The following DCC variants were observed in gnomAD, a reference collection of about 807,000 sequenced individuals.
DCC encodes netrin receptor DCC.
A neutral mutation model predicts 172.5 loss-of-function variants in DCC; 58 were observed. The observed-to-expected ratio is 0.34, with a 90% CI of 0.27 to 0.42. The LOEUF (loss-of-function observed/expected upper bound fraction) is 0.42. DCC is among the 10% of genes least tolerant of loss of function. The pLI, the probability that DCC is intolerant of heterozygous loss-of-function variation, is 1.00. For synonymous variants in DCC, 709 were observed against 644.5 expected (o/e 1.10, Z -1.52); for missense variants, 1,740 against 1,791.0 (o/e 0.97, Z 0.51).
intron 7 of DCC, among the ~76,000 whole-genome samples, chr18:53,094,201 G>A (rs1037849209): frequency 2.0e-5 from 3 of 152,154 alleles, no homozygotes; most frequent in Non-Finnish European, 4.4e-5. Flanking sequence ...GTTATATGAT[G>A]AAAACAGATT....
intron 27 of DCC, among the ~76,000 whole-genome samples, chr18:53,512,728 G>A (rs1356299218): frequency 6.7e-6 from 1 of 150,174 alleles, no homozygotes; most frequent in African/African-American, 2.5e-5. Flanking sequence ...AAGATGAAAT[G>A]AATGAAATGA....
At chr18:52,405,747 C>T (rs374532113) in intron 1 of DCC, among the ~76,000 whole-genome samples, 2 of 150,562 alleles carry the variant, frequency 1.3e-5, no homozygotes, top group Admixed American at 6.6e-5. Flanking sequence ...CCATACTGCC[C>T]AAGGTAATTT....
At chr18:52,636,086 G>A (rs1366744982) in intron 1 of DCC, among the ~76,000 whole-genome samples, 1 of 152,176 alleles carries the variant, frequency 6.6e-6, no homozygotes, top group Non-Finnish European at 1.5e-5. Context: ...AACTGGAGAA[G>A]CTGAAGTTCT....
intron 10 of DCC, among the ~76,000 whole-genome samples, chr18:53,206,300 G>A (rs1475673012): frequency 5.5e-5 from 7 of 128,134 alleles, no homozygotes; most frequent in East Asian, 2.2e-4. Flanking sequence ...TATATGTATT[G>A]TAACACATAT....
chr18:52,756,662 C>T (rs1380037594), intron 2 of DCC, among the ~76,000 whole-genome samples: 4 of 152,162 alleles, frequency 2.6e-5, no homozygotes, highest in Non-Finnish European at 4.4e-5. Context: ...TTCCCTAACC[C>T]TTACCGTGAA....
At chr18:52,872,447 C>T (rs564483966) in intron 2 of DCC, among the ~76,000 whole-genome samples, 17 of 152,188 alleles carry the variant, frequency 1.1e-4, no homozygotes, top group Non-Finnish European at 1.6e-4. Context: ...ATCTTCTCTA[C>T]GAATGCCGAT....
At chr18:53,433,992 G>A (rs1008948919) in intron 21 of DCC, among the ~76,000 whole-genome samples, 4 of 152,168 alleles carry the variant, frequency 2.6e-5, no homozygotes, top group Non-Finnish European at 5.9e-5. Flanking sequence ...TATAGAGTCA[G>A]TTAACAGGAT....
intron 12 of DCC, among the ~76,000 whole-genome samples, chr18:53,238,987 T>A (rs1481466671): frequency 7.4e-6 from 1 of 134,982 alleles, no homozygotes; most frequent in Non-Finnish European, 1.5e-5. Context: ...AGGTGGGAAT[T>A]GAGCAATGAG....
intron 1 of DCC, among the ~76,000 whole-genome samples, chr18:52,437,881 A>G (rs1192563115): frequency 6.6e-6 from 1 of 152,186 alleles, no homozygotes; most frequent in Non-Finnish European, 1.5e-5. Context: ...TGGTGCCTCC[A>G]GAAATCACTC....
At chr18:52,848,988 C>A (rs1183843019) in intron 2 of DCC, among the ~76,000 whole-genome samples, 1 of 152,204 alleles carries the variant, frequency 6.6e-6, no homozygotes, top group Non-Finnish European at 1.5e-5. Context: ...CCCATCTAAA[C>A]TCTCAGAAAA....
intron 1 of DCC, among the ~76,000 whole-genome samples, chr18:52,523,650 A>G (rs2031890051): frequency 2.0e-5 from 3 of 152,184 alleles, no homozygotes; most frequent in Non-Finnish European, 4.4e-5. Context: ...GGGCAACTTA[A>G]TCTAAAAAGG....
intron 9 of DCC, among the ~76,000 whole-genome samples, chr18:53,197,077 C>T (rs1198510312): frequency 1.3e-5 from 2 of 151,964 alleles, no homozygotes; most frequent in Admixed American, 1.3e-4. Context: ...ATCAAAGAGG[C>T]AATCAAAGCA....
intron 1 of DCC, among the ~76,000 whole-genome samples, chr18:52,485,573 A>T (rs552267409): frequency 5.9e-5 from 9 of 151,920 alleles, no homozygotes; most frequent in African/African-American, 2.2e-4. Context: ...GCTTTTATCC[A>T]CTCCCCACCC....
chr18:53,235,675 C>T (rs570942517), intron 12 of DCC, among the ~76,000 whole-genome samples: 122 of 134,662 alleles, frequency 9.1e-4, no homozygotes, highest in African/African-American at 3.1e-3. Context: ...AATTCATTGA[C>T]GTTAAGTATA....
In DCC at chr18:52,814,779, TAATAA is replaced by T. The variant is rs551446175; in HGVS notation, c.412+62409_412+62413del. 2.9e-3 allele frequency among the ~76,000 whole-genome samples: 438 copies of T among 152,292 alleles called. 2 individuals carry two copies. Among genetic ancestry groups the T allele is most frequent in the Non-Finnish European group, 4.4e-3 (296 of 68,014 alleles). ...GGAAATGCATAGATTTTTCAGCAAG[TAATAA>T]AATGAAGATAGGATTACATTGGAAA... On this transcript the variant is annotated intron_variant, in intron 2 of 28. Coordinates refer to ENST00000442544, the MANE Select transcript of DCC (RefSeq NM_005215.4).
At chr18:53,504,805 T>C (rs1170958186) in intron 27 of DCC, among the ~76,000 whole-genome samples, 2 of 152,184 alleles carry the variant, frequency 1.3e-5, no homozygotes, top group Non-Finnish European at 2.9e-5. Context: ...GCCAAGTAAT[T>C]GATGCCCTAT....
At chr18:53,235,328 C>A (rs1409049045) in intron 12 of DCC, among the ~76,000 whole-genome samples, 1 of 152,174 alleles carries the variant, frequency 6.6e-6, no homozygotes, top group African/African-American at 2.4e-5. Context: ...GGAAGCCTGT[C>A]TGCTGTCTCA....
chr18:52,716,647 T>G (rs1383601181), intron 1 of DCC, among the ~76,000 whole-genome samples: 2 of 152,204 alleles, frequency 1.3e-5, no homozygotes, highest in Non-Finnish European at 2.9e-5. Flanking sequence ...AGGCTTCACC[T>G]GGAAGAGGGA....
At chr18:52,354,608 A>C (rs1482293600) in intron 1 of DCC, among the ~76,000 whole-genome samples, 1 of 152,166 alleles carries the variant, frequency 6.6e-6, no homozygotes, top group Non-Finnish European at 1.5e-5. Flanking sequence ...CATGTCTAGC[A>C]CTTCTGTGTT....
Sources: allele counts gnomAD v4.1 joint callset (sites outside exome capture counted in the v4.1 genomes callset), GRCh38; gene constraint gnomAD v4.1.1; transcripts MANE v1.5; gene names NCBI Gene and HGNC (gene_info 2026-07-23, HGNC 2026-07-21).